The following CPNE4 variants were observed in gnomAD, a reference collection of about 807,000 sequenced individuals.
CPNE4 encodes the protein copine-4.
CPNE4 carries 25 observed loss-of-function variants against 67.9 expected under a neutral mutation model. That is an observed-to-expected ratio of 0.37 (90% CI 0.27 to 0.51). The LOEUF is 0.51. CPNE4 is among the 20% of genes least tolerant of loss of function. The pLI is 0.93. For missense variants in CPNE4, 464 were observed against 690.8 expected (o/e 0.67, Z 3.68); for synonymous variants, 242 against 244.9 (o/e 0.99, Z 0.11).
chr3:131,752,711 A>C (rs556514112), intron 2 of CPNE4, among the ~76,000 whole-genome samples: 34 of 152,294 alleles, frequency 2.2e-4, no homozygotes, highest in African/African-American at 8.2e-4. Flanking sequence ...TTTAACATGA[A>C]AGACACAACA....
chr3:131,778,655 G>A (rs2083352130), intron 2 of CPNE4, among the ~76,000 whole-genome samples: 3 of 151,982 alleles, frequency 2.0e-5, no homozygotes, highest in Admixed American at 2.0e-4. Context: ...GAGCAAGCTG[G>A]GAAAATTCCA....
At chr3:131,792,187 A>C (rs1297246731) in intron 2 of CPNE4, among the ~76,000 whole-genome samples, 1 of 152,088 alleles carries the variant, frequency 6.6e-6, no homozygotes, top group Non-Finnish European at 1.5e-5. Flanking sequence ...CCCCCCTCTC[A>C]TATATGTTTC....
intron 2 of CPNE4, among the ~76,000 whole-genome samples, chr3:131,731,918 T>C (rs1400326307): frequency 6.6e-6 from 1 of 152,176 alleles, no homozygotes; most frequent in Non-Finnish European, 1.5e-5. Context: ...CTCAAACTTT[T>C]CTTGCATCGA....
At chr3:131,639,071 A>C (rs559309580) in intron 7 of CPNE4, among the ~76,000 whole-genome samples, 1 of 152,226 alleles carries the variant, frequency 6.6e-6, no homozygotes, top group South Asian at 2.1e-4. Flanking sequence ...GAAAGAGCAC[A>C]AATAGACAAG....
At chr3:131,937,915 G>A (rs1225032) in intron 1 of CPNE4, among the ~76,000 whole-genome samples, 2 of 152,122 alleles carry the variant, frequency 1.3e-5, no homozygotes, top group South Asian at 4.2e-4. Flanking sequence ...AAAAAGTCAG[G>A]ATGCTTCCTT....
intron 9 of CPNE4, among the ~76,000 whole-genome samples, chr3:131,576,902 G>T (rs1245918281): frequency 6.6e-6 from 1 of 152,008 alleles, no homozygotes; most frequent in Non-Finnish European, 1.5e-5. Context: ...GGCTTGGTGT[G>T]TGAGAGTTTG....
intron 2 of CPNE4, among the ~76,000 whole-genome samples, chr3:131,756,941 C>T (rs993842209): frequency 2.8e-4 from 43 of 152,186 alleles, no homozygotes; most frequent in Admixed American, 3.3e-4. Context: ...GCTTCTTCCT[C>T]ATTTTCTCTT....
intron 1 of CPNE4, among the ~76,000 whole-genome samples, chr3:131,936,784 T>C (rs2071235836): frequency 6.6e-6 from 1 of 151,342 alleles, no homozygotes; most frequent in African/African-American, 2.4e-5. Flanking sequence ...AGGAAGACAA[T>C]GAGCACAAAT....
chr3:131,649,757 G>C (rs961240135), intron 7 of CPNE4, among the ~76,000 whole-genome samples: 3 of 152,026 alleles, frequency 2.0e-5, no homozygotes, highest in African/African-American at 7.2e-5. Context: ...AAACCTAAGG[G>C]GTACAAAAGA....
chr3:131,869,846 T>C (rs1440255600), intron 2 of CPNE4, among the ~76,000 whole-genome samples: 1 of 152,192 alleles, frequency 6.6e-6, no homozygotes, highest in Non-Finnish European at 1.5e-5. Flanking sequence ...GGCTGTCTGT[T>C]TGGCACTGTA....
intron 9 of CPNE4, among the ~76,000 whole-genome samples, chr3:131,577,192 A>G (rs544521237): frequency 1.4e-4 from 22 of 152,248 alleles, no homozygotes; most frequent in Non-Finnish European, 2.9e-4. Context: ...TTCCTTCACT[A>G]TCTTGTTATG....
intron 7 of CPNE4, among the ~76,000 whole-genome samples, chr3:131,594,403 A>G (rs1382651578): frequency 6.6e-6 from 1 of 152,226 alleles, no homozygotes; most frequent in Admixed American, 6.5e-5. Flanking sequence ...CTATTCATAT[A>G]TATTCAACTG....
intron 7 of CPNE4, among the ~76,000 whole-genome samples, chr3:131,628,238 C>A (rs923252162): frequency 2.6e-5 from 4 of 152,202 alleles, no homozygotes; most frequent in Non-Finnish European, 5.9e-5. Flanking sequence ...CATATTCACA[C>A]TGCTGATGAA....
rs79390442 is a variant in CPNE4, at chr3:131,942,812, T to C, written c.-1-37368A>G. Among the ~76,000 whole-genome samples, 681 of 152,258 alleles carry C rather than the reference T, an allele frequency of 4.5e-3. 17 individuals carry two copies. The East Asian group carries it at 0.081, about 18-fold the overall frequency. The stretch of plus-strand genomic sequence containing the variant: ...TTAAAAAGAAACATCAGTTGCTTCA[T>C]CTGTAAAATGATCTCTAAGATCTCT... On this transcript the variant is annotated intron_variant, in intron 1 of 15. Transcript: ENST00000429747.
At chr3:131,794,370 G>T (rs56140443) in intron 2 of CPNE4, among the ~76,000 whole-genome samples, 1 of 151,616 alleles carries the variant, frequency 6.6e-6, no homozygotes, top group Admixed American at 6.6e-5. Context: ...TCAGCCTCCT[G>T]AGTAGTTGGC....
Position 131,736,448 on chromosome 3 carries a change from C to T in CPNE4, c.181-12823G>A, listed in dbSNP as rs376200885. The stretch of plus-strand genomic sequence containing the variant: ...CATGCTGGCCAGCATGGTGAAACCT[C>T]GTCTCTACTAAAAATACAAAAATTA... On this transcript the variant is annotated intron_variant, in intron 2 of 15. Coordinates refer to ENST00000429747, the MANE Select transcript of CPNE4 (RefSeq NM_130808.3). Among the ~76,000 whole-genome samples the T allele has an allele frequency of 5.3e-5, 8 of 151,624 alleles. No individual in the cohort carries two copies. In the South Asian group the frequency reaches 1.7e-3, roughly 32 times the overall value.
intron 7 of CPNE4, among the ~76,000 whole-genome samples, chr3:131,623,938 G>A (rs1379508730): frequency 3.3e-5 from 5 of 152,170 alleles, no homozygotes; most frequent in Admixed American, 3.3e-4. Flanking sequence ...ATTACCCGAT[G>A]TGGGTAAAAC....
At position 131,581,672 on chromosome 3, in the gene CPNE4, G is replaced by A; in HGVS notation, c.781-7C>T. The A allele has an allele frequency of 1.3e-6, 2 of 1,598,316 alleles. No individual in the cohort carries two copies. The highest frequency in any genetic ancestry group is 1.7e-6 in the Non-Finnish European group (2 of 1,165,538). On this transcript the variant is annotated splice_region_variant and splice_polypyrimidine_tract_variant and intron_variant, in intron 8 of 15. Coordinates refer to ENST00000429747, the MANE Select transcript of CPNE4 (RefSeq NM_130808.3). ...TGATGCACTCCCACTGCACCTGAAAGAAGGGTCATAGCATGAGAATCTGTT... is the reference window on the plus strand; with the variant it reads ...TGATGCACTCCCACTGCACCTGAAAAAAGGGTCATAGCATGAGAATCTGTT...
At chr3:131,718,195 A>G (rs189004509) in intron 3 of CPNE4, among the ~76,000 whole-genome samples, 10 of 151,902 alleles carry the variant, frequency 6.6e-5, no homozygotes, top group African/African-American at 1.4e-4. Context: ...GGGTTTCACT[A>G]TGTTGTCCAG....
Sources: allele counts gnomAD v4.1 joint callset (sites outside exome capture counted in the v4.1 genomes callset), GRCh38; gene constraint gnomAD v4.1.1; transcripts MANE v1.5; gene names NCBI Gene and HGNC (gene_info 2026-07-23, HGNC 2026-07-21).